The following SPATA2L variants were observed in gnomAD, a reference collection of about 807,000 sequenced individuals.
The protein encoded by SPATA2L is spermatogenesis associated 2 like.
SPATA2L carries 5 observed loss-of-function variants against 8.7 expected under a neutral mutation model. The ratio of observed to expected loss-of-function variants is 0.57; its 90% CI spans 0.30 to 1.21. The LOEUF (loss-of-function observed/expected upper bound fraction) is 1.21, where lower values mean the gene tolerates loss of function less well. SPATA2L is among the 50% of genes most tolerant of loss of function. The probability of loss-of-function intolerance (pLI) is 0.07; values close to 1 mark genes in which losing one functional copy is unlikely to be tolerated. For missense variants in SPATA2L, 671 were observed against 591.0 expected (o/e 1.14, Z -1.40); for synonymous variants, 358 against 275.8 (o/e 1.30, Z -2.95).
Position 89,700,886 on chromosome 16 carries a change from G to A in SPATA2L, c.303+44C>T, listed in dbSNP as rs1294228672. ...CCCATGGTCGGCGGCCCCGCGACCC[G>A]CAGGCCAGGACGAGGGGCGCGCTCC... On this transcript the variant is annotated intron_variant, in intron 2 of 2. Transcript: ENST00000289805. 5 of 1,399,726 alleles carry A rather than the reference G, an allele frequency of 3.6e-6. No homozygotes were observed. The Admixed American group carries it at 9.4e-5, about 26-fold the overall frequency. The allele number at this position is 1,399,726 out of a possible 1,614,324, so 86.7% of individuals were successfully genotyped here. A position where few individuals can be genotyped will look rare whatever the true frequency, so the allele number is the denominator to read the frequency against.
rs768100835 is a variant in SPATA2L, at chr16:89,696,810, C to T, written c.*524G>A. The stretch of plus-strand genomic sequence containing the variant: ...CACCCAAGGGGAGGGCCGGCGTCCC[C>T]GAAGCCAGGTCAGCCGTGCACCCGG... On this transcript the variant is annotated 3_prime_UTR_variant, in exon 3 of 3. Transcript: ENST00000289805. 1.8e-5 allele frequency: 27 copies of T among 1,534,294 alleles called. No individual in the cohort carries two copies. Among genetic ancestry groups the T allele is most frequent in the South Asian group, 3.6e-5 (3 of 83,658 alleles).
rs536805499 is a variant in SPATA2L at position 89,697,953 on chromosome 16, G to T, written c.656C>A (p.Ala219Asp). The T allele has an allele frequency of 3.7e-6, 6 of 1,607,566 alleles. No individual in the cohort carries two copies. In the Admixed American group the frequency reaches 8.4e-5, roughly 22 times the overall value. Reference sequence around the variant, plus strand: ...TAAGTCCAGTGGGGCCCTGTAAGCAGCAGGGGAGCCTCGGGGGGGCAGGGG... The same window carrying T: ...TAAGTCCAGTGGGGCCCTGTAAGCATCAGGGGAGCCTCGGGGGGGCAGGGG... ...PPPLPPRGSPAAYRAPLDLYR... is the reference protein window; with the variant it reads ...PPPLPPRGSPDAYRAPLDLYR... The change falls in exon 3 of 3, where the codon GCT becomes GAT. Residue 219 changes from alanine to aspartate, a missense_variant. Coordinates refer to ENST00000289805, the MANE Select transcript of SPATA2L (RefSeq NM_152339.4).
chr16:89,698,474 C>CTTTTTTTTTT (rs61610413), intron 2 of SPATA2L, among the ~76,000 whole-genome samples, 169 bp from the exon 3 acceptor site: 1 of 54,110 alleles, frequency 1.8e-5, no homozygotes, highest in Non-Finnish European at 3.2e-5. Context: ...ATGATGATTT[C>CTTTTTTTTTT]TTTTTTTTTT....
At chr16:89,699,078 A>G (rs1177332102) in intron 2 of SPATA2L, among the ~76,000 whole-genome samples, 1 of 151,982 alleles carries the variant, frequency 6.6e-6, no homozygotes, top group African/African-American at 2.4e-5. Flanking sequence ...GAGCCACCGC[A>G]CCTGGCCGAA....
rs112526588 is a variant in SPATA2L, at chr16:89,698,165, C to T, written c.444G>A (p.Leu148=). The T allele has an allele frequency of 5.5e-5, 88 of 1,611,646 alleles. No homozygotes were observed. Among genetic ancestry groups the T allele is most frequent in the Non-Finnish European group, 7.3e-5 (86 of 1,179,558 alleles). Residue 148 remains leucine (L), a synonymous_variant, in exon 3 of 3, where the codon CTG becomes CTA. Coordinates refer to ENST00000289805, the MANE Select transcript of SPATA2L (RefSeq NM_152339.4). ...MVTALPPACQ[L]VQVALGCFAL... ...CGAAGCAGCCCAGGGCCACCTGCACCAGCTGGCAGGCGGGGGGCAGGGCGG... is the reference window on the plus strand; with the variant it reads ...CGAAGCAGCCCAGGGCCACCTGCACTAGCTGGCAGGCGGGGGGCAGGGCGG...
In SPATA2L at chr16:89,701,684, C is replaced by T. The variant is rs1243694337; in HGVS notation, c.-58G>A. On this transcript the variant is annotated 5_prime_UTR_variant, in exon 1 of 3. Transcript: ENST00000289805. ...GGATCAGTTCGGGCCTCCCCGCGCG[C>T]CGCGCGCTTCCGCCGGGAGTCGGCT... is the stretch of plus-strand genomic sequence containing the variant. 6.4e-6 allele frequency: 1 copy of T among 156,552 alleles called. No homozygotes were observed. Among genetic ancestry groups the T allele is most frequent in the Admixed American group, 6.5e-5 (1 of 15,392 alleles). The allele number at this position is 156,552 out of a possible 1,614,324, so 9.7% of individuals were successfully genotyped here.
At position 89,697,836 on chromosome 16, in the gene SPATA2L, G is replaced by T. The variant is rs1361444484; in HGVS notation, c.773C>A (p.Ala258Asp). Residue 258 changes from alanine to aspartate, a missense_variant, in exon 3 of 3, where the codon GCC becomes GAC. By Grantham distance (126) the Ala-to-Asp change is moderately radical (BLOSUM62 -2). Coordinates refer to ENST00000289805, the MANE Select transcript of SPATA2L (RefSeq NM_152339.4). ...PGPDSPPAEL[A>D]YRPPLWEQSA... ...CTGCTCCCAGAGTGGTGGCCTGTAG[G>T]CCAGCTCCGCCGGGGGCGAGTCAGG... 7 of 1,607,460 alleles carry T rather than the reference G, an allele frequency of 4.4e-6. No individual in the cohort carries two copies. The highest frequency in any genetic ancestry group is 5.9e-6 in the Non-Finnish European group (7 of 1,178,094).
At position 89,697,370 on chromosome 16, in the gene SPATA2L, G is replaced by C. The variant is rs751296293; in HGVS notation, c.1239C>G (p.Asp413Glu). ...CCCCGGGGCTGTTGTAGAGCAGAGT[G>C]TCCATCTGTGCACGCTGTAGCCACA... is the stretch of plus-strand genomic sequence containing the variant. The part of the protein sequence containing the change: ...RRLWLQRAQM[D>E]TLLYNSPGAR... Residue 413 changes from aspartate to glutamate, a missense_variant, in exon 3 of 3, where the codon GAC becomes GAG. Transcript: ENST00000289805. 1 of 1,564,436 alleles carries C rather than the reference G, an allele frequency of 6.4e-7. No individual in the cohort carries two copies. The highest frequency in any genetic ancestry group is 8.7e-7 in the Non-Finnish European group (1 of 1,154,288).
chr16:89,697,590 C>T lies in SPATA2L; in HGVS notation c.1019G>A (p.Gly340Glu), dbSNP rs2060741551. 1 of 1,600,722 alleles carries T rather than the reference C, an allele frequency of 6.2e-7. No individual in the cohort carries two copies. Among genetic ancestry groups the T allele is most frequent in the Non-Finnish European group, 8.5e-7 (1 of 1,177,124 alleles). The change falls in exon 3 of 3, where the codon GGG becomes GAG. Residue 340 changes from glycine to glutamate, a missense_variant. Coordinates refer to ENST00000289805, the MANE Select transcript of SPATA2L (RefSeq NM_152339.4). ...AASPRRIRAE[G>E]VPASAYRSVS... ...AGACCTATAGGCTGAGGCTGGTACCCCCTCTGCCCGAATACGCCTCGGGCT... is the reference window on the plus strand; with the variant it reads ...AGACCTATAGGCTGAGGCTGGTACCTCCTCTGCCCGAATACGCCTCGGGCT...
rs1175757738 is a variant in SPATA2L, at chr16:89,697,332, G to A, written c.*2C>T. 4 of 1,506,870 alleles carry A rather than the reference G, an allele frequency of 2.7e-6. No individual in the cohort carries two copies. The South Asian group carries it at 5.5e-5, about 21-fold the overall frequency. 93.3% of individuals were successfully genotyped at this position (1,506,870 alleles called of 1,614,324 possible). A position where few individuals can be genotyped will look rare whatever the true frequency, so the allele number is the denominator to read the frequency against. ...GAGCCCTTGACCTGGGGCCCAGCTG[G>A]CCTAGGGCCGGGCCCCGGGGCTGTT... On this transcript the variant is annotated 3_prime_UTR_variant, in exon 3 of 3. Transcript: ENST00000289805.
Position 89,696,456 on chromosome 16 carries a change from T to C in SPATA2L, c.*878A>G, listed in dbSNP as rs80345107. On this transcript the variant is annotated 3_prime_UTR_variant, in exon 3 of 3. Transcript: ENST00000289805. ...GAGGGTCAGGAAAGCAGGCTCAGCT[T>C]CCAGGGTCAGGGAGTTGTGGGCCCA... 9.7e-3 allele frequency: 2,999 copies of C among 310,294 alleles called. 96 individuals carry two copies. The highest frequency in any genetic ancestry group is 0.059 in the African/African-American group (2,755 of 46,402). The allele number at this position is 310,294 out of a possible 1,614,324, so 19.2% of individuals were successfully genotyped here. A position where few individuals can be genotyped will look rare whatever the true frequency, so the allele number is the denominator to read the frequency against.
intron 1 of SPATA2L, 95 bp downstream of exon 1, chr16:89,701,533 C>T (rs2060775750): frequency 8.2e-6 from 3 of 364,042 alleles, no homozygotes; most frequent in African/African-American, 6.3e-5. Context: ...CCGCACCCTT[C>T]TCTAGAGACG....
intron 1 of SPATA2L, 99 bp downstream of exon 1, chr16:89,701,529 C>T (rs892100622): frequency 2.1e-5 from 8 of 372,640 alleles, no homozygotes; most frequent in East Asian, 2.0e-4. Context: ...TCGACCGCAC[C>T]CTTCTCTAGA....
chr16:89,698,474 C>CTTT (rs61610413), intron 2 of SPATA2L, among the ~76,000 whole-genome samples, 169 bp from the exon 3 acceptor site: 8 of 54,142 alleles, frequency 1.5e-4, no homozygotes, highest in East Asian at 7.3e-4. Flanking sequence ...ATGATGATTT[C>CTTT]TTTTTTTTTT....
In SPATA2L at chr16:89,698,216, G is replaced by T; in HGVS notation, c.393C>A (p.Arg131=). 2 of 1,612,796 alleles carry T rather than the reference G, an allele frequency of 1.2e-6. No homozygotes were observed. Among genetic ancestry groups the T allele is most frequent in the Non-Finnish European group, 1.7e-6 (2 of 1,179,654 alleles). Residue 131 remains arginine, a synonymous_variant, in exon 3 of 3, where the codon CGC becomes CGA. Transcript: ENST00000289805. The part of the protein sequence containing the change: ...LKSFQKMGYV[R]RDSHRLMVTA... ...TCACCATGAGCCGATGGCTGTCTCTGCGTACGTAGCCCATCTTCTGGAAGC... is the reference window on the plus strand; with the variant it reads ...TCACCATGAGCCGATGGCTGTCTCTTCGTACGTAGCCCATCTTCTGGAAGC...
Position 89,697,732 on chromosome 16 carries a change from A to G in SPATA2L, c.877T>C (p.Tyr293His), listed in dbSNP as rs2060743806. ...EELPQASSPP[Y>H]GALEEGLEPE... Reference sequence around the variant, plus strand: ...TCCAGCCCCTCCTCCAAGGCCCCATATGGTGGGCTGCTGGCCTGCGGCAGC... The same window carrying G: ...TCCAGCCCCTCCTCCAAGGCCCCATGTGGTGGGCTGCTGGCCTGCGGCAGC... Residue 293 changes from tyrosine to histidine, a missense_variant, in exon 3 of 3, where the codon TAT becomes CAT. Tyr to His is a moderately conservative substitution (Grantham distance 83, BLOSUM62 2). Coordinates refer to ENST00000289805, the MANE Select transcript of SPATA2L (RefSeq NM_152339.4). 1.2e-6 allele frequency: 2 copies of G among 1,609,466 alleles called. No homozygotes were observed. Among genetic ancestry groups the G allele is most frequent in the African/African-American group, 1.3e-5 (1 of 74,782 alleles).
In SPATA2L at chr16:89,697,714, C is replaced by T. The variant is rs542205049; in HGVS notation, c.895G>A (p.Gly299Arg). 6.5e-5 allele frequency: 104 copies of T among 1,611,596 alleles called. No homozygotes were observed. In the South Asian group the frequency reaches 7.3e-4, roughly 11 times the overall value. ...SSPPYGALEE[G>R]LEPEPSAFSF... ...AAGGCGGAAGGTTCAGGTTCCAGCC[C>T]CTCCTCCAAGGCCCCATATGGTGGG... Residue 299 changes from glycine to arginine, a missense_variant, in exon 3 of 3, where the codon GGG (glycine) becomes AGG (arginine). By Grantham distance (125) the Gly-to-Arg change is moderately radical. Coordinates refer to ENST00000289805, the MANE Select transcript of SPATA2L (RefSeq NM_152339.4).
chr16:89,700,612 C>T (rs989750838), intron 2 of SPATA2L, among the ~76,000 whole-genome samples: 1 of 152,218 alleles, frequency 6.6e-6, no homozygotes, highest in Non-Finnish European at 1.5e-5. Context: ...AACTCAAGTC[C>T]CTTCTGTGCC....
rs1031583099 is a variant in SPATA2L at position 89,696,626 on chromosome 16, C to T, written c.*708G>A. On this transcript the variant is annotated 3_prime_UTR_variant, in exon 3 of 3. Transcript: ENST00000289805. Reference sequence around the variant, plus strand: ...ATTACCACTGGACCCACCAAGACCCCGCCGCCTGGGCGGGCTGTCCACAGG... The same window carrying T: ...ATTACCACTGGACCCACCAAGACCCTGCCGCCTGGGCGGGCTGTCCACAGG... 2.2e-5 allele frequency: 15 copies of T among 689,376 alleles called. No homozygotes were observed. The highest frequency in any genetic ancestry group is 1.1e-4 in the African/African-American group (6 of 54,980). 42.7% of individuals were successfully genotyped at this position (689,376 alleles called of 1,614,324 possible). A position where few individuals can be genotyped will look rare whatever the true frequency, so the allele number is the denominator to read the frequency against.
Sources: gnomAD v4.1 joint callset for allele counts (sites outside exome capture counted in the v4.1 genomes callset) on GRCh38, gnomAD v4.1.1 for gene constraint, MANE v1.5 for transcripts, NCBI Gene and HGNC (gene_info 2026-07-23, HGNC 2026-07-21) for gene names.